FBXW10: variants seen among roughly 807,000 people sequenced by gnomAD.
FBXW10 encodes the protein F-box/WD repeat-containing protein 10.
Under a neutral mutation model 113.1 loss-of-function variants are expected in FBXW10, and 68 were observed. The observed-to-expected ratio is 0.60, with a 90% CI of 0.49 to 0.74. The LOEUF (loss-of-function observed/expected upper bound fraction) is 0.74, where lower values mean the gene tolerates loss of function less well. Among genes scored for constraint, FBXW10 ranks in the 30% least tolerant of loss-of-function variants. The pLI is 0.00. For missense variants in FBXW10, 753 were observed against 1,284.5 expected, an observed-to-expected ratio of 0.59 and a Z score of 6.32; for synonymous variants, 289 against 481.6, an observed-to-expected ratio of 0.60 and a Z score of 5.24.
intron 6 of FBXW10, among the ~76,000 whole-genome samples, chr17:18,757,870 A>G (rs1303803624): frequency 1.3e-5 from 2 of 152,224 alleles, no homozygotes; most frequent in Non-Finnish European, 2.9e-5. Flanking sequence ...CAGGACTTTG[A>G]ACCTAATATA....
intron 13 of FBXW10, among the ~76,000 whole-genome samples, chr17:18,777,726 G>A (rs571360474): frequency 2.0e-5 from 3 of 151,218 alleles, no homozygotes; most frequent in Admixed American, 6.6e-5. Context: ...TGTATTTTTA[G>A]TAGAGACGGG....
At chr17:18,755,542 G>A (rs1172487659) in intron 5 of FBXW10, among the ~76,000 whole-genome samples, 4 of 118,550 alleles carry the variant, frequency 3.4e-5, no homozygotes, top group East Asian at 2.2e-4. Flanking sequence ...GCGACAGAGC[G>A]AGACTCCGTC....
At chr17:18,750,885 C>T (rs1186577760) in intron 4 of FBXW10, 46 bp from the exon 5 acceptor site, 1 of 1,588,610 alleles carries the variant, frequency 6.3e-7, no homozygotes, top group Admixed American at 1.8e-5. Flanking sequence ...CAAGAGAAGC[C>T]ATTTTCTGTT....
intron 13 of FBXW10, among the ~76,000 whole-genome samples, chr17:18,777,029 A>T (rs2035712920): frequency 6.6e-6 from 1 of 150,890 alleles, no homozygotes; most frequent in African/African-American, 2.4e-5. Flanking sequence ...TGCAAGGAGA[A>T]TAGGGAAGAT....
intron 6 of FBXW10, 113 bp from the exon 7 acceptor site, chr17:18,758,192 G>A: frequency 7.0e-7 from 1 of 1,432,410 alleles, no homozygotes; most frequent in Non-Finnish European, 9.3e-7. Context: ...TTGTTGAAAG[G>A]CCCTGGATTT....
At chr17:18,777,744 C>T (rs929145214) in intron 13 of FBXW10, among the ~76,000 whole-genome samples, 1 of 151,052 alleles carries the variant, frequency 6.6e-6, no homozygotes, top group Non-Finnish European at 1.5e-5. Context: ...GGGGTTTCAC[C>T]GTGTTAGCCA....
intron 7 of FBXW10, among the ~76,000 whole-genome samples, chr17:18,759,535 A>G (rs559151054): frequency 1.2e-4 from 19 of 152,206 alleles, no homozygotes; most frequent in African/African-American, 4.3e-4. Context: ...TTTCACTGAG[A>G]TACTGTATTA....
At chr17:18,766,574 A>T (rs981764243) in intron 8 of FBXW10, 140 bp from the exon 9 acceptor site, 1 of 1,132,176 alleles carries the variant, frequency 8.8e-7, no homozygotes, top group Admixed American at 2.6e-5. Flanking sequence ...GTGCTAGGCC[A>T]CGGGAAGTCC....
rs1216807813 is a variant in FBXW10 at position 18,748,058 on chromosome 17, C to A, written c.623C>A (p.Ser208Tyr). 2 of 1,613,866 alleles carry A rather than the reference C, an allele frequency of 1.2e-6. No individual in the cohort carries two copies. The highest frequency in any genetic ancestry group is 2.2e-5 in the East Asian group (1 of 44,846). The change falls in exon 2 of 14, where the codon TCC becomes TAC. Residue 208 changes from serine to tyrosine, a missense_variant. By Grantham distance (144) the Ser-to-Tyr change is moderately radical. Coordinates refer to ENST00000395665, the MANE Select transcript of FBXW10 (RefSeq NM_001267585.2). The stretch of plus-strand genomic sequence containing the variant: ...ACTCAGCACACATCCCTTCCTTTGT[C>A]CAAAGCCCCAGAAAATGAACACTTG... Reference protein sequence around the residue: ...AKTQHTSLPLSKAPENEHLLG... With the variant: ...AKTQHTSLPLYKAPENEHLLG...
Position 18,766,722 on chromosome 17 carries a change from G to A in FBXW10, c.1564G>A (p.Val522Ile). 1 of 1,613,694 alleles carries A rather than the reference G, an allele frequency of 6.2e-7. No homozygotes were observed. The highest frequency in any genetic ancestry group is 1.3e-5 in the African/African-American group (1 of 75,006). ...CTCTCCCTCCTGTTCAGTATGGGAT[G>A]TAGACACAGGGAAGTGCCTGAAGAC... Reference protein sequence around the residue: ...GRDCQVKVWDVDTGKCLKTFR... With the variant: ...GRDCQVKVWDIDTGKCLKTFR... Residue 522 changes from valine to isoleucine, a missense_variant, in exon 9 of 14, where the codon GTA becomes ATA. Val to Ile is a conservative substitution (Grantham distance 29, BLOSUM62 3). Coordinates refer to ENST00000395665, the MANE Select transcript of FBXW10 (RefSeq NM_001267585.2).
chr17:18,761,341 C>T (rs928521343), intron 7 of FBXW10, among the ~76,000 whole-genome samples: 1 of 151,806 alleles, frequency 6.6e-6, no homozygotes, highest in Admixed American at 6.6e-5. Context: ...TCTCAGCTCA[C>T]TGCCAGCTCC....
intron 7 of FBXW10, among the ~76,000 whole-genome samples, chr17:18,759,618 T>TG (rs1491281078): frequency 7.6e-6 from 1 of 131,658 alleles, no homozygotes; most frequent in Non-Finnish European, 1.6e-5. Context: ...TCTAGTTTTT[T>TG]GTTTTTTTTT....
chr17:18,749,471 C>T (rs1597588033), intron 2 of FBXW10, among the ~76,000 whole-genome samples: 2 of 151,944 alleles, frequency 1.3e-5, no homozygotes, highest in South Asian at 2.1e-4. Context: ...GGCGTGAACC[C>T]GGGAGGCGGA....
intron 6 of FBXW10, among the ~76,000 whole-genome samples, chr17:18,757,672 T>C (rs1274222097): frequency 3.3e-5 from 5 of 152,168 alleles, no homozygotes; most frequent in African/African-American, 1.2e-4. Context: ...AGTGTCCCCT[T>C]TCACAATAAA....
Position 18,778,567 on chromosome 17 carries a change from A to G in FBXW10, c.2428A>G (p.Met810Val), listed in dbSNP as rs1479145916. The G allele has an allele frequency of 2.5e-6, 4 of 1,613,990 alleles. No homozygotes were observed. Among genetic ancestry groups the G allele is most frequent in the Non-Finnish European group, 3.4e-6 (4 of 1,179,866 alleles). ...AAAGAAAAAGTCTTGGAAAATCCCT[A>G]TGTCACCTGACCAATTCCTCCTGAC... is the stretch of plus-strand genomic sequence containing the variant. Reference protein sequence around the residue: ...HPKKKSWKIPMSPDQFLLTVS... With the variant: ...HPKKKSWKIPVSPDQFLLTVS... The change falls in exon 14 of 14, where the codon ATG (methionine) becomes GTG (valine). Residue 810 changes from methionine to valine, a missense_variant. Met to Val is a conservative substitution (Grantham distance 21). Coordinates refer to ENST00000395665, the MANE Select transcript of FBXW10 (RefSeq NM_001267585.2).
In FBXW10 at chr17:18,752,128, G is replaced by A. The variant is rs559579640; in HGVS notation, c.1122+1075G>A. On this transcript the variant is annotated intron_variant, in intron 5 of 13. Coordinates refer to ENST00000395665, the MANE Select transcript of FBXW10 (RefSeq NM_001267585.2). ...CAGAAGCATCCAGAGAGAGCATCTA[G>A]CTCATATGACCTGTAGGGGCCAGGC... Among the ~76,000 whole-genome samples, 4 of 152,266 alleles carry A rather than the reference G, an allele frequency of 2.6e-5. No homozygotes were observed. In the East Asian group the frequency reaches 5.8e-4, roughly 22 times the overall value.
rs779813238 is a variant in FBXW10, at chr17:18,744,566, C to T, written c.322C>T (p.Gln108Ter). ...EGKVVKSSLN[Q>*]MLDKTVEQKM... Reference sequence around the variant, plus strand: ...GAAAGTTGTGAAGTCCTCCTTGAACCAAATGTTGGATAAAACAGTAGAACA... The same window carrying T: ...GAAAGTTGTGAAGTCCTCCTTGAACTAAATGTTGGATAAAACAGTAGAACA... Residue 108 changes from glutamine (Q) to a stop codon, truncating the protein, a stop_gained, in exon 1 of 14, where the codon CAA becomes TAA. Transcript: ENST00000395665. LOFTEE classifies it high-confidence loss of function. 1.1e-5 allele frequency: 17 copies of T among 1,613,852 alleles called. No individual in the cohort carries two copies. Among genetic ancestry groups the T allele is most frequent in the Admixed American group, 8.3e-5 (5 of 59,994 alleles).
intron 9 of FBXW10, among the ~76,000 whole-genome samples, chr17:18,768,026 T>TCTTCCTTTCTTCCTTCCTTC (rs2035533344): frequency 1.5e-5 from 2 of 135,680 alleles, no homozygotes; most frequent in African/African-American, 2.8e-5. Flanking sequence ...TTCCTTCCTT[T>TCTTCCTTTCTTCCTTCCTTC]CTTCCTTCCT....
intron 5 of FBXW10, among the ~76,000 whole-genome samples, 185 bp downstream of exon 5, chr17:18,751,238 TTTAA>T (rs1357238697): frequency 4.6e-5 from 7 of 151,598 alleles, no homozygotes; most frequent in Non-Finnish European, 8.8e-5. Flanking sequence ...TTTTTTTTTT[TTTAA>T]TGAGATGGAG....
Sources: gnomAD v4.1 joint callset for allele counts (sites outside exome capture counted in the v4.1 genomes callset) on GRCh38, gnomAD v4.1.1 for gene constraint, MANE v1.5 for transcripts, NCBI Gene and HGNC (gene_info 2026-07-23, HGNC 2026-07-21) for gene names.